Variants in SORCS3 observed in about 807,000 individuals in gnomAD.
SORCS3 encodes sortilin related VPS10 domain containing receptor 3.
Under a neutral mutation model 146.3 loss-of-function variants are expected in SORCS3, and 57 were observed. That is an observed-to-expected ratio of 0.39 (90% CI 0.31 to 0.49). The LOEUF (loss-of-function observed/expected upper bound fraction) is 0.49, where lower values mean the gene tolerates loss of function less well. Ranked by LOEUF, SORCS3 falls within the 20% of genes least tolerant of loss-of-function variation. The probability of loss-of-function intolerance (pLI) is 0.92; values close to 1 mark genes in which losing one functional copy is unlikely to be tolerated. For missense variants in SORCS3, 1,341 were observed against 1,575.5 expected (o/e 0.85, Z 2.52); for synonymous variants, 653 against 618.5 (o/e 1.06, Z -0.83).
chr10:105,182,863 C>A (rs145978882), intron 14 of SORCS3, among the ~76,000 whole-genome samples: 1 of 151,978 alleles, frequency 6.6e-6, no homozygotes, highest in Non-Finnish European at 1.5e-5. Context: ...CTACCATTCC[C>A]GGCTAATTTT....
At chr10:105,149,371 G>A (rs1165721731) in intron 9 of SORCS3, among the ~76,000 whole-genome samples, 4 of 152,280 alleles carry the variant, frequency 2.6e-5, no homozygotes, top group Non-Finnish European at 4.4e-5. Flanking sequence ...TAACTGACAA[G>A]TGCTGAAATA....
At chr10:104,930,021 C>T (rs901169625) in intron 3 of SORCS3, among the ~76,000 whole-genome samples, 6 of 151,560 alleles carry the variant, frequency 4.0e-5, no homozygotes, top group Admixed American at 3.9e-4. Context: ...TTAAAAATAG[C>T]TGCTTTAAGG....
chr10:105,153,825 C>T (rs2056185768), intron 9 of SORCS3, among the ~76,000 whole-genome samples: 1 of 152,024 alleles, frequency 6.6e-6, no homozygotes, highest in Non-Finnish European at 1.5e-5. Flanking sequence ...AATCCCAGCA[C>T]TTTGGGAGAC....
chr10:104,995,156 T>G (rs1045231160), intron 4 of SORCS3, among the ~76,000 whole-genome samples: 7 of 149,146 alleles, frequency 4.7e-5, no homozygotes, highest in Non-Finnish European at 1.0e-4. Flanking sequence ...TTTTCTTTCT[T>G]TCTTTCTCTT....
intron 1 of SORCS3, among the ~76,000 whole-genome samples, chr10:104,733,416 G>A (rs11192175): frequency 0.014 from 2,192 of 152,130 alleles, 21 homozygotes; most frequent in Middle Eastern, 0.058. Context: ...GTGGCAAGAT[G>A]AGAGCTCACT....
intron 5 of SORCS3, among the ~76,000 whole-genome samples, chr10:105,071,405 G>A (rs553562755): frequency 1.2e-4 from 18 of 152,316 alleles, no homozygotes; most frequent in Admixed American, 6.5e-4. Context: ...ACAGTGTGCT[G>A]GCACCAGGTG....
At chr10:104,756,120 A>C (rs559479432) in intron 1 of SORCS3, among the ~76,000 whole-genome samples, 2 of 152,312 alleles carry the variant, frequency 1.3e-5, no homozygotes, top group East Asian at 3.9e-4. Flanking sequence ...GGTTAGAGGA[A>C]GTCGAGGTCA....
At chr10:105,066,954 C>T (rs790754) in intron 5 of SORCS3, among the ~76,000 whole-genome samples, 70,987 of 152,026 alleles carry the variant, frequency 0.47, 19,245 homozygotes, top group East Asian at 0.7. Context: ...CCCCCTATTT[C>T]TCTGAGGTGT....
chr10:105,245,481 A>C, intron 20 of SORCS3, 61 bp from the exon 21 acceptor site: 1 of 1,581,302 alleles, frequency 6.3e-7, no homozygotes, highest in Non-Finnish European at 8.6e-7. Flanking sequence ...GAGTTTCAGG[A>C]AAGGAAATAA....
chr10:105,074,387 A>G, intron 5 of SORCS3, among the ~76,000 whole-genome samples: 1 of 152,230 alleles, frequency 6.6e-6, no homozygotes, highest in East Asian at 1.9e-4. Flanking sequence ...GTTCAACAAT[A>G]TAATTGAGTG....
chr10:105,033,054 C>G (rs952599620), intron 4 of SORCS3, among the ~76,000 whole-genome samples: 11 of 152,058 alleles, frequency 7.2e-5, no homozygotes, highest in African/African-American at 2.7e-4. Context: ...ACTGTGGAGA[C>G]AAAAGAATGG....
chr10:105,191,214 G>T (rs1214383210), intron 14 of SORCS3, among the ~76,000 whole-genome samples: 1 of 152,138 alleles, frequency 6.6e-6, no homozygotes, highest in African/African-American at 2.4e-5. Context: ...TATGATTTTT[G>T]ATACATTTTG....
At chr10:105,177,630 T>C (rs1177418262) in intron 13 of SORCS3, among the ~76,000 whole-genome samples, 2 of 152,062 alleles carry the variant, frequency 1.3e-5, no homozygotes, top group Non-Finnish European at 2.9e-5. Flanking sequence ...TTTGAACAAA[T>C]AGAAAATTGC....
At chr10:105,022,446 C>T (rs2055203832) in intron 4 of SORCS3, among the ~76,000 whole-genome samples, 1 of 148,706 alleles carries the variant, frequency 6.7e-6, no homozygotes, top group Non-Finnish European at 1.5e-5. Flanking sequence ...TACAGGTGCC[C>T]ACCACCACGC....
intron 23 of SORCS3, among the ~76,000 whole-genome samples, chr10:105,254,085 A>T (rs574737876): frequency 2.6e-5 from 4 of 152,374 alleles, no homozygotes; most frequent in Middle Eastern, 3.4e-3. Context: ...GAGTGATTAA[A>T]TCGATGTTAT....
intron 2 of SORCS3, among the ~76,000 whole-genome samples, chr10:104,869,713 T>A (rs11192214): frequency 0.087 from 13,252 of 152,310 alleles, 770 homozygotes; most frequent in South Asian, 0.26. Flanking sequence ...AGGACTCTGT[T>A]GGAATATCAG....
At chr10:104,676,701 G>A (rs1292607003) in intron 1 of SORCS3, among the ~76,000 whole-genome samples, 1 of 152,172 alleles carries the variant, frequency 6.6e-6, no homozygotes, top group African/African-American at 2.4e-5. Context: ...GGGAAGATTT[G>A]TAAGGAAGAG....
intron 8 of SORCS3, among the ~76,000 whole-genome samples, chr10:105,140,523 A>G (rs1353285087): frequency 1.3e-5 from 2 of 152,328 alleles, no homozygotes; most frequent in Non-Finnish European, 1.5e-5. Flanking sequence ...ACAGAAGTTC[A>G]AGGGCCATCT....
At chr10:104,771,356 T>C (rs534744521) in intron 1 of SORCS3, among the ~76,000 whole-genome samples, 5 of 152,222 alleles carry the variant, frequency 3.3e-5, no homozygotes, top group Admixed American at 3.3e-4. Context: ...GCAGTGCTGA[T>C]GTGAGAAAGA....
Sources: allele counts gnomAD v4.1 joint callset (sites outside exome capture counted in the v4.1 genomes callset), GRCh38; gene constraint gnomAD v4.1.1; transcripts MANE v1.5; gene names NCBI Gene and HGNC (gene_info 2026-07-23, HGNC 2026-07-21).